The following HMCN2 variants were observed in gnomAD, a reference collection of about 807,000 sequenced individuals.
The protein encoded by HMCN2 is hemicentin 2, also known as hemicentin-2.
A neutral mutation model predicts 377.5 loss-of-function variants in HMCN2; 325 were observed. The observed-to-expected ratio is 0.86, with a 90% confidence interval of 0.79 to 0.94. HMCN2 has a LOEUF of 0.94. Ranked by LOEUF, HMCN2 falls within the 40% of genes least tolerant of loss-of-function variation. The pLI, the probability that HMCN2 is intolerant of heterozygous loss-of-function variation, is 0.00. For missense variants in HMCN2, 4,543 were observed against 4,725.3 expected (o/e 0.96, Z 1.13); for synonymous variants, 2,007 against 2,046.8 (o/e 0.98, Z 0.53).
chr9:130,318,899 C>G (rs971408128), intron 15 of HMCN2, among the ~76,000 whole-genome samples: 1 of 152,214 alleles, frequency 6.6e-6, no homozygotes, highest in African/African-American at 2.4e-5. Flanking sequence ...TATAATCCCC[C>G]CCGACGCTGG....
intron 30 of HMCN2, 72 bp from the exon 31 acceptor site, chr9:130,352,855 T>A: frequency 8.6e-7 from 1 of 1,167,908 alleles, no homozygotes; most frequent in Non-Finnish European, 1.1e-6. Context: ...AAGGCATGAG[T>A]CTGCTGCCCT....
At chr9:130,326,753 C>T (rs1021110002) in intron 21 of HMCN2, among the ~76,000 whole-genome samples, 18 of 151,956 alleles carry the variant, frequency 1.2e-4, no homozygotes, top group African/African-American at 3.9e-4. Context: ...GGTAGAAAGG[C>T]GGAGGCGGGG....
chr9:130,387,320 CT>C (rs1274284021), intron 61 of HMCN2, among the ~76,000 whole-genome samples: 4 of 152,186 alleles, frequency 2.6e-5, no homozygotes, highest in African/African-American at 7.2e-5. Context: ...GAGTTTAACT[CT>C]TATTCAAAAG....
intron 77 of HMCN2, among the ~76,000 whole-genome samples, chr9:130,401,776 A>G (rs373080258): frequency 6.6e-6 from 1 of 152,252 alleles, no homozygotes; most frequent in Admixed American, 6.5e-5. Context: ...TTCTGAAGCA[A>G]TAGAACTTCC....
intron 21 of HMCN2, among the ~76,000 whole-genome samples, chr9:130,326,670 T>G (rs2131419650): frequency 6.6e-6 from 1 of 152,270 alleles, no homozygotes; most frequent in Non-Finnish European, 1.5e-5. Flanking sequence ...GGTTTTGATG[T>G]CCCCAACTGG....
chr9:130,410,526 C>G, intron 84 of HMCN2, 45 bp from the exon 85 acceptor site: 1 of 1,531,618 alleles, frequency 6.5e-7, no homozygotes, highest in Non-Finnish European at 8.9e-7. Context: ...AGCCACTCAT[C>G]TTCTTCTCTG....
chr9:130,370,026 A>T (rs1840929287), intron 45 of HMCN2, among the ~76,000 whole-genome samples, 175 bp downstream of exon 45: 1 of 152,032 alleles, frequency 6.6e-6, no homozygotes, highest in Non-Finnish European at 1.5e-5. Flanking sequence ...CTGCTCTCAA[A>T]ATCAGGACTG....
intron 1 of HMCN2, among the ~76,000 whole-genome samples, chr9:130,283,271 A>C (rs1835232863): frequency 6.6e-6 from 1 of 152,048 alleles, no homozygotes; most frequent in Admixed American, 6.5e-5. Context: ...ATTTTTTAAA[A>C]AAAAAAAACT....
At chr9:130,307,082 G>C (rs993605777) in intron 13 of HMCN2, 144 bp downstream of exon 13, 1 of 353,184 alleles carries the variant, frequency 2.8e-6, no homozygotes, top group Non-Finnish European at 5.8e-6. Flanking sequence ...TGTCTGGGTG[G>C]AGCTTATATT....
chr9:130,398,474 C>A, intron 74 of HMCN2, 77 bp from the exon 75 acceptor site: 1 of 806,458 alleles, frequency 1.2e-6, no homozygotes, highest in Admixed American at 3.9e-5. Flanking sequence ...AGTGGCTTTG[C>A]CCCTGGGCAC....
intron 4 of HMCN2, among the ~76,000 whole-genome samples, chr9:130,288,478 G>C (rs1411338482): frequency 6.6e-6 from 1 of 152,218 alleles, no homozygotes; most frequent in Non-Finnish European, 1.5e-5. Flanking sequence ...GAAGGTGGCT[G>C]GACAGCCAGG....
intron 1 of HMCN2, among the ~76,000 whole-genome samples, chr9:130,271,290 C>T (rs557905964): frequency 6.7e-6 from 1 of 148,944 alleles, no homozygotes; most frequent in East Asian, 1.9e-4. Context: ...TTACTGTGTG[C>T]AGCCCACGTT....
chr9:130,381,265 G>A lies in HMCN2; in HGVS notation c.8432-919G>A, dbSNP rs569407001. 2.6e-5 allele frequency among the ~76,000 whole-genome samples: 4 copies of A among 152,212 alleles called. No individual in the cohort carries two copies. In the South Asian group the frequency reaches 6.2e-4, roughly 24 times the overall value. On this transcript the variant is annotated intron_variant, in intron 54 of 97. Transcript: ENST00000683500. ...AACCTGGTCAAGCTACCCACAGCCC[G>A]GGCCGGCCAGCCCCAGCCTAGAATT... is the stretch of plus-strand genomic sequence containing the variant.
intron 53 of HMCN2, among the ~76,000 whole-genome samples, chr9:130,378,956 T>G (rs1402689204): frequency 6.6e-6 from 1 of 152,178 alleles, no homozygotes; most frequent in African/African-American, 2.4e-5. Flanking sequence ...CGGCTGAAGC[T>G]TAGTATCTGG....
Position 130,408,878 on chromosome 9 carries a change from G to T in HMCN2, c.12824G>T (p.Gly4275Val). The change falls in exon 84 of 98, where the codon GGC (glycine) becomes GTC (valine). Residue 4275 changes from glycine to valine, a missense_variant. Gly to Val is a moderately radical substitution (Grantham distance 109). Coordinates refer to ENST00000683500, the MANE Select transcript of HMCN2 (RefSeq NM_001291815.2). ...HWIKDGLPLR[G>V]SHLRHQLQNG... is the part of the protein sequence containing the mutation. The stretch of plus-strand genomic sequence containing the variant: ...ATCAAAGATGGCCTTCCACTGCGGG[G>T]CAGCCACCTCCGGCACCAGCTGCAG... The T allele has an allele frequency of 1.6e-6, 2 of 1,289,780 alleles. No individual in the cohort carries two copies. Among genetic ancestry groups the T allele is most frequent in the Non-Finnish European group, 2.0e-6 (2 of 988,852 alleles). The allele number at this position is 1,289,780 out of a possible 1,614,324, so 79.9% of individuals were successfully genotyped here.
Position 130,394,435 on chromosome 9 carries a change from C to T in HMCN2, c.10552C>T (p.Pro3518Ser). ...CCAGCCTACAGAGCTGTCGCTGACC[C>T]CCGGCGCCCCCATGGAGCTCCTCTG... The part of the protein sequence containing the change: ...SGQPTELSLT[P>S]GAPMELLCDA... The change falls in exon 69 of 98, where the codon CCC becomes TCC. Residue 3518 changes from proline (P) to serine (S), a missense_variant. By Grantham distance (74) the Pro-to-Ser change is moderately conservative. Transcript: ENST00000683500. This position sits in a 1 kb window ranked among gnomAD's most constrained non-coding sequence, Gnocchi z 5.1. The T allele has an allele frequency of 1.6e-6, 2 of 1,289,682 alleles. No individual in the cohort carries two copies. The highest frequency in any genetic ancestry group is 2.0e-6 in the Non-Finnish European group (2 of 988,772). 79.9% of individuals were successfully genotyped at this position (1,289,682 alleles called of 1,614,324 possible).
intron 74 of HMCN2, among the ~76,000 whole-genome samples, chr9:130,398,105 A>T (rs1842693856): frequency 7.1e-6 from 1 of 141,028 alleles, no homozygotes; most frequent in Non-Finnish European, 1.5e-5. Flanking sequence ...GTGAGCCATG[A>T]TCACGCCACT....
chr9:130,322,304 A>G (rs879063614), intron 19 of HMCN2, among the ~76,000 whole-genome samples: 56,489 of 151,202 alleles, frequency 0.37, 11,477 homozygotes, highest in Non-Finnish European at 0.47. Context: ...AAAATTATCT[A>G]TCATCTATCT....
At chr9:130,273,044 C>A (rs781870436) in intron 1 of HMCN2, among the ~76,000 whole-genome samples, 1 of 152,044 alleles carries the variant, frequency 6.6e-6, no homozygotes, top group Non-Finnish European at 1.5e-5. Context: ...TTGTTCTCAT[C>A]CATCAGACAT....
Sources: gnomAD v4.1 joint callset for allele counts (sites outside exome capture counted in the v4.1 genomes callset) on GRCh38, gnomAD v4.1.1 for gene constraint, Gnocchi (gnomAD v3.1) non-coding constraint, MANE v1.5 for transcripts, NCBI Gene and HGNC (gene_info 2026-07-23, HGNC 2026-07-21) for gene names.